Variants in TLR2 observed in about 807,000 individuals in gnomAD.
TLR2 encodes toll like receptor 2.
A neutral mutation model predicts 9.1 loss-of-function variants in TLR2; 7 were observed. The observed-to-expected ratio is 0.77, with a 90% CI of 0.44 to 1.44. TLR2 has a LOEUF of 1.44. Among genes scored for constraint, TLR2 ranks in the 40% most tolerant of loss-of-function variants. The pLI is 0.01. For missense variants in TLR2, 812 were observed against 904.6 expected, an observed-to-expected ratio of 0.90 and a Z score of 1.31; for synonymous variants, 317 against 344.6, an observed-to-expected ratio of 0.92 and a Z score of 0.89.
At position 153,706,235 on chromosome 4, in the gene TLR2, C is replaced by T. The variant is rs962761624; in HGVS notation, c.*973C>T. Among the ~76,000 whole-genome samples, 9 of 152,144 alleles carry T rather than the reference C, an allele frequency of 5.9e-5. No homozygotes were observed. The highest frequency in any genetic ancestry group is 2.2e-4 in the African/African-American group (9 of 41,410). On this transcript the variant is annotated 3_prime_UTR_variant, in exon 3 of 3. Transcript: ENST00000642700. ...TTTCTGTAATTTAACAAAATAAATA[C>T]TCAGTTTAGGAGAATTTGAAAGACA... is the stretch of plus-strand genomic sequence containing the variant.
chr4:153,707,136 T>C (rs1579013999), downstream of TLR2, among the ~76,000 whole-genome samples: 1 of 152,170 alleles, frequency 6.6e-6, no homozygotes, highest in South Asian at 2.1e-4. Context: ...TCCTGCTGTT[T>C]GCAGAAAAAT....
At chr4:153,700,060 C>T (rs1396824348) in intron 2 of TLR2, among the ~76,000 whole-genome samples, 1 of 152,032 alleles carries the variant, frequency 6.6e-6, no homozygotes, top group African/African-American at 2.4e-5. Context: ...GCAGGCATGT[C>T]ATATAGTGAG....
chr4:153,709,882 C>T (rs1737451218), downstream of TLR2, among the ~76,000 whole-genome samples: 1 of 152,222 alleles, frequency 6.6e-6, no homozygotes, highest in Non-Finnish European at 1.5e-5. Context: ...CCACTTTCTA[C>T]AGAAGAGCTC....
rs760893620 is a variant in TLR2, at chr4:153,704,627, C to A, written c.1720C>A (p.Gln574Lys). ...CTCTCCATCCCATGTGCGTGGCCAG[C>A]AGGTTCAGGATGTCCGCCTCTCGGT... ...CDSPSHVRGQ[Q>K]VQDVRLSVSE... The change falls in exon 3 of 3, where the codon CAG becomes AAG. Residue 574 changes from glutamine to lysine, a missense_variant. Coordinates refer to ENST00000642700, the MANE Select transcript of TLR2 (RefSeq NM_001318789.2). The A allele has an allele frequency of 1.2e-6, 2 of 1,613,438 alleles. No homozygotes were observed. Among genetic ancestry groups the A allele is most frequent in the Non-Finnish European group, 1.7e-6 (2 of 1,180,002 alleles).
At chr4:153,702,729 G>A (rs1345660311) in intron 2 of TLR2, 163 bp from the exon 3 acceptor site, 16 of 640,416 alleles carry the variant, frequency 2.5e-5, no homozygotes, top group Middle Eastern at 4.3e-4. Flanking sequence ...CCATTCATTC[G>A]TTCCATTCAT....
In TLR2 at chr4:153,705,232, G is replaced by A; in HGVS notation, c.2325G>A (p.Trp775Ter). 6.3e-7 allele frequency: 1 copy of A among 1,595,850 alleles called. No individual in the cohort carries two copies. The highest frequency in any genetic ancestry group is 8.6e-7 in the Non-Finnish European group (1 of 1,169,422). The change falls in exon 3 of 3, where the codon TGG (tryptophan) becomes TGA (stop). Residue 775 changes from tryptophan to a stop codon, truncating the protein, a stop_gained. Coordinates refer to ENST00000642700, the MANE Select transcript of TLR2 (RefSeq NM_001318789.2). LOFTEE classifies it high-confidence loss of function. ...ACGAGGCTCAGCGGGAAGGATTTTG[G>A]GTAAATCTGAGAGCTGCGATAAAGT... The part of the protein sequence containing the change: ...PMDEAQREGF[W>*]VNLRAAIKS
chr4:153,704,501 G>A lies in TLR2; in HGVS notation c.1594G>A (p.Gly532Ser). Residue 532 changes from glycine to serine, a missense_variant, in exon 3 of 3, where the codon GGC becomes AGC. By Grantham distance (56) the Gly-to-Ser change is moderately conservative. Transcript: ENST00000642700. ...FHTLKTLEAG[G>S]NNFICSCEFL... ...CACACTGAAGACTTTGGAAGCTGGTGGCAATAACTTCATTTGCTCCTGTGA... is the reference window on the plus strand; with the variant it reads ...CACACTGAAGACTTTGGAAGCTGGTAGCAATAACTTCATTTGCTCCTGTGA... The A allele has an allele frequency of 6.2e-7, 1 of 1,613,988 alleles. No homozygotes were observed. Among genetic ancestry groups the A allele is most frequent in the Non-Finnish European group, 8.5e-7 (1 of 1,179,928 alleles).
chr4:153,704,467 C>T lies in TLR2; in HGVS notation c.1560C>T (p.Asp520=), dbSNP rs200936495. The stretch of plus-strand genomic sequence containing the variant: ...CTACGTTTTCTAAGGAGCAACTTGA[C>T]TCATTTCACACACTGAAGACTTTGG... ...AITTFSKEQL[D]SFHTLKTLEA... The change falls in exon 3 of 3, where the codon GAC becomes GAT. Residue 520 remains aspartate (D), a synonymous_variant. Coordinates refer to ENST00000642700, the MANE Select transcript of TLR2 (RefSeq NM_001318789.2). 138 of 1,614,146 alleles carry T rather than the reference C, an allele frequency of 8.5e-5. 1 individual carries two copies. In the East Asian group the frequency reaches 2.3e-3, roughly 26 times the overall value.
At chr4:153,697,118 G>A (rs2127042617) in intron 2 of TLR2, among the ~76,000 whole-genome samples, 1 of 152,186 alleles carries the variant, frequency 6.6e-6, no homozygotes, top group South Asian at 2.1e-4. Flanking sequence ...AGAAGGTTGT[G>A]GGATAGGAAT....
chr4:153,706,503 T>G (rs7656411), downstream of TLR2, among the ~76,000 whole-genome samples: 52,299 of 152,098 alleles, frequency 0.34, 10,724 homozygotes, highest in African/African-American at 0.57. Flanking sequence ...ATACCTAGAG[T>G]TTCCTCATAA....
At chr4:153,686,207 T>G (rs1340434847) in intron 1 of TLR2, among the ~76,000 whole-genome samples, 1 of 152,124 alleles carries the variant, frequency 6.6e-6, no homozygotes, top group Non-Finnish European at 1.5e-5. Context: ...CCAGCCTGGG[T>G]GACAGAGCGA....
At chr4:153,687,864 T>G (rs1030329952) in intron 1 of TLR2, 38 bp from the exon 2 acceptor site, 1 of 152,206 alleles carries the variant, frequency 6.6e-6, no homozygotes, top group African/African-American at 2.4e-5. Context: ...AATCATTCTT[T>G]GCTAAAATAA....
At chr4:153,706,917 G>A (rs1347654857), downstream of TLR2, among the ~76,000 whole-genome samples, 5 of 152,150 alleles carry the variant, frequency 3.3e-5, no homozygotes, top group Non-Finnish European at 7.4e-5. Flanking sequence ...TAAGCTCCTT[G>A]ATTCCCATTT....
intron 2 of TLR2, among the ~76,000 whole-genome samples, chr4:153,694,486 T>C (rs1354338232): frequency 6.6e-6 from 1 of 152,224 alleles, no homozygotes; most frequent in Non-Finnish European, 1.5e-5. Flanking sequence ...AAAGCTACAA[T>C]AGCTAGACAA....
Position 153,704,100 on chromosome 4 carries a change from A to G in TLR2, c.1193A>G (p.His398Arg). The G allele has an allele frequency of 6.2e-7, 1 of 1,614,084 alleles. No homozygotes were observed. Among genetic ancestry groups the G allele is most frequent in the Non-Finnish European group, 8.5e-7 (1 of 1,179,998 alleles). ...CAAACTTTAATTTTAAGGCAAAATC[A>G]TTTGGCATCATTGGAAAAAACCGGA... ...SLQTLILRQN[H>R]LASLEKTGET... Residue 398 changes from histidine (H) to arginine (R), a missense_variant, in exon 3 of 3, where the codon CAT becomes CGT. His to Arg is a conservative substitution (Grantham distance 29). Transcript: ENST00000642700.
intron 1 of TLR2, among the ~76,000 whole-genome samples, chr4:153,687,482 T>C (rs1356414377): frequency 1.3e-5 from 2 of 152,186 alleles, no homozygotes; most frequent in African/African-American, 4.8e-5. Context: ...TTTTGTTAAA[T>C]GACATAAGCA....
chr4:153,687,505 C>G (rs1178797695), intron 1 of TLR2, among the ~76,000 whole-genome samples: 1 of 152,152 alleles, frequency 6.6e-6, no homozygotes, highest in Non-Finnish European at 1.5e-5. Context: ...AGGCCATTAT[C>G]CTGAGACTGT....
At chr4:153,685,324 GAGAA>G (rs1365009145) in intron 1 of TLR2, among the ~76,000 whole-genome samples, 7 of 152,164 alleles carry the variant, frequency 4.6e-5, no homozygotes, top group African/African-American at 1.2e-4. Context: ...TTGAAAGAGA[GAGAA>G]AGAGAGAGAA....
chr4:153,708,723 C>G (rs1737409710), downstream of TLR2, among the ~76,000 whole-genome samples: 1 of 152,096 alleles, frequency 6.6e-6, no homozygotes, highest in Non-Finnish European at 1.5e-5. Flanking sequence ...AGCAGGCTCC[C>G]AGGAAAATGT....
Sources: gnomAD v4.1 joint callset for allele counts (sites outside exome capture counted in the v4.1 genomes callset) on GRCh38, gnomAD v4.1.1 for gene constraint, MANE v1.5 for transcripts, NCBI Gene and HGNC (gene_info 2026-07-23, HGNC 2026-07-21) for gene names.